SHC3: variants seen among roughly 807,000 people sequenced by gnomAD.
SHC3 encodes the protein SHC adaptor protein 3.
A neutral mutation model predicts 60.4 loss-of-function variants in SHC3; 15 were observed. The observed-to-expected ratio is 0.25, with a 90% CI of 0.17 to 0.38. SHC3 has a LOEUF of 0.38. Ranked by LOEUF, SHC3 falls within the 10% of genes least tolerant of loss-of-function variation. The pLI is 1.00. For synonymous variants in SHC3, 294 were observed against 325.9 expected, an observed-to-expected ratio of 0.90 and a Z score of 1.05; for missense variants, 677 against 786.1, an observed-to-expected ratio of 0.86 and a Z score of 1.66.
chr9:89,034,157 G>A (rs1173802037), intron 11 of SHC3, among the ~76,000 whole-genome samples: 6 of 152,082 alleles, frequency 3.9e-5, no homozygotes, highest in African/African-American at 1.4e-4. Context: ...ATCTCAAAAG[G>A]TGCTGAAGTA....
chr9:89,031,717 C>T (rs1325058634), intron 11 of SHC3, among the ~76,000 whole-genome samples: 4 of 151,300 alleles, frequency 2.6e-5, no homozygotes, highest in South Asian at 2.1e-4. Context: ...CAAGTTTTTG[C>T]GTGGGAATGG....
chr9:89,167,425 G>A (rs1826805310), intron 1 of SHC3, among the ~76,000 whole-genome samples: 2 of 152,152 alleles, frequency 1.3e-5, no homozygotes, highest in Non-Finnish European at 2.9e-5. Flanking sequence ...GGGGAGAGGC[G>A]GGCTGACCAA....
chr9:89,081,895 C>T (rs1392722334), intron 2 of SHC3, among the ~76,000 whole-genome samples: 1 of 152,128 alleles, frequency 6.6e-6, no homozygotes, highest in African/African-American at 2.4e-5. Context: ...TCAGCTGCAG[C>T]TCCTGACCCC....
At chr9:89,128,982 C>G (rs566078022) in intron 1 of SHC3, among the ~76,000 whole-genome samples, 1 of 152,186 alleles carries the variant, frequency 6.6e-6, no homozygotes, top group South Asian at 2.1e-4. Context: ...ATGTTCGAAC[C>G]CATCATAAAG....
chr9:89,067,391 A>G (rs1431040332), intron 5 of SHC3, among the ~76,000 whole-genome samples: 1 of 152,176 alleles, frequency 6.6e-6, no homozygotes, highest in African/African-American at 2.4e-5. Flanking sequence ...TTTTATTTTC[A>G]TTTCCATGAT....
intron 11 of SHC3, among the ~76,000 whole-genome samples, chr9:89,019,901 C>T (rs764182803): frequency 6.6e-6 from 1 of 152,052 alleles, no homozygotes; most frequent in African/African-American, 2.4e-5. Context: ...AGCTTGAGAG[C>T]ACTGGGTGGG....
intron 10 of SHC3, among the ~76,000 whole-genome samples, chr9:89,041,312 A>G (rs1824683322): frequency 6.6e-6 from 1 of 152,240 alleles, no homozygotes; most frequent in African/African-American, 2.4e-5. Flanking sequence ...TGCTATCTGC[A>G]ATAGATTCCT....
At chr9:89,043,941 A>T (rs947818452) in intron 9 of SHC3, among the ~76,000 whole-genome samples, 1 of 152,346 alleles carries the variant, frequency 6.6e-6, no homozygotes, top group African/African-American at 2.4e-5. Context: ...GGCGTGAGCC[A>T]CCATGCCCTG....
chr9:89,044,562 C>A (rs1290049427), intron 9 of SHC3, among the ~76,000 whole-genome samples: 1 of 152,088 alleles, frequency 6.6e-6, no homozygotes, highest in Non-Finnish European at 1.5e-5. Context: ...ACTTAGTAGC[C>A]AGGATCCCAG....
At chr9:89,078,039 G>T in intron 2 of SHC3, 136 bp from the exon 3 acceptor site, 1 of 958,330 alleles carries the variant, frequency 1.0e-6, no homozygotes, top group Non-Finnish European at 1.6e-6. Context: ...CAATTTGGGA[G>T]TCATCCGATT....
Position 89,098,776 on chromosome 9 carries a change from A to T in SHC3, c.545+13780T>A, listed in dbSNP as rs1825741586. On this transcript the variant is annotated intron_variant, in intron 2 of 11. Coordinates refer to ENST00000375835, the MANE Select transcript of SHC3 (RefSeq NM_016848.6). ...CAATGAGCTGAGATTGCGCCACTGC[A>T]CTCCAGCGTGGGTGAGAATGAGACC... is the stretch of plus-strand genomic sequence containing the variant. Among the ~76,000 whole-genome samples, 2 of 151,468 alleles carry T rather than the reference A, an allele frequency of 1.3e-5. 1 individual carries two copies. The highest frequency in any genetic ancestry group is 4.2e-4 in the South Asian group (2 of 4,798).
intron 10 of SHC3, among the ~76,000 whole-genome samples, chr9:89,040,167 A>ACC: frequency 5.4e-5 from 1 of 18,666 alleles, no homozygotes; most frequent in African/African-American, 2.2e-4. Flanking sequence ...CATCACCATC[A>ACC]TCATCACTAT....
chr9:89,031,752 G>A (rs1824496193), intron 11 of SHC3, among the ~76,000 whole-genome samples: 1 of 151,598 alleles, frequency 6.6e-6, no homozygotes, highest in African/African-American at 2.4e-5. Flanking sequence ...TGGTTTGGGG[G>A]AGATCAGTGT....
At chr9:89,137,829 T>A (rs562621910) in intron 1 of SHC3, among the ~76,000 whole-genome samples, 1 of 152,114 alleles carries the variant, frequency 6.6e-6, no homozygotes, top group Non-Finnish European at 1.5e-5. Flanking sequence ...ACTCAATTCA[T>A]CAGGAGCAAG....
chr9:89,133,471 C>T (rs4406489), intron 1 of SHC3, among the ~76,000 whole-genome samples: 17,862 of 152,070 alleles, frequency 0.12, 1,151 homozygotes, highest in Admixed American at 0.14. Context: ...CGTATGTTCA[C>T]TGTGGCACTA....
chr9:89,136,577 C>T (rs1298449466), intron 1 of SHC3, among the ~76,000 whole-genome samples: 2 of 152,096 alleles, frequency 1.3e-5, no homozygotes, highest in East Asian at 3.9e-4. Flanking sequence ...AATTGTCCAC[C>T]CCTTTCCCAG....
At chr9:89,169,249 A>G (rs1587768492) in intron 1 of SHC3, among the ~76,000 whole-genome samples, 2 of 151,436 alleles carry the variant, frequency 1.3e-5, no homozygotes, top group Admixed American at 1.3e-4. Flanking sequence ...TGTGACTCCC[A>G]CCTCCCCACC....
At chr9:89,032,897 T>C (rs1824513996) in intron 11 of SHC3, among the ~76,000 whole-genome samples, 1 of 152,220 alleles carries the variant, frequency 6.6e-6, no homozygotes, top group South Asian at 2.1e-4. Flanking sequence ...TATTTTGGTG[T>C]CCCCACAGCA....
rs959786934 is a variant in SHC3 at position 89,012,033 on chromosome 9, G to A, written c.*1414C>T. The A allele has an allele frequency of 3.3e-5, 5 of 152,168 alleles. No individual in the cohort carries two copies. The highest frequency in any genetic ancestry group is 2.1e-4 in the South Asian group (1 of 4,824). 9.4% of individuals were successfully genotyped at this position (152,168 alleles called of 1,614,324 possible). On this transcript the variant is annotated 3_prime_UTR_variant, in exon 12 of 12. Transcript: ENST00000375835. ...GATTTATCACTATCCAACTCTAAGC[G>A]TGTTTAGTGTGTCTTTCTGTTCTGC...
Sources: gnomAD v4.1 joint callset for allele counts (sites outside exome capture counted in the v4.1 genomes callset) on GRCh38, gnomAD v4.1.1 for gene constraint, MANE v1.5 for transcripts, NCBI Gene and HGNC (gene_info 2026-07-23, HGNC 2026-07-21) for gene names.